Variants in CLASP2 observed in about 807,000 individuals in gnomAD.
The protein encoded by CLASP2 is cytoplasmic linker associated protein 2.
Under a neutral mutation model 194.4 loss-of-function variants are expected in CLASP2, and 47 were observed. That is an observed-to-expected ratio of 0.24 (90% CI 0.19 to 0.31). The LOEUF (loss-of-function observed/expected upper bound fraction) is 0.31, where lower values mean the gene tolerates loss of function less well. Ranked by LOEUF, CLASP2 falls within the 10% of genes least tolerant of loss-of-function variation. CLASP2 has a pLI of 1.00. For missense variants in CLASP2, 1,445 were observed against 1,823.6 expected (o/e 0.79, Z 3.78); for synonymous variants, 619 against 633.5 (o/e 0.98, Z 0.34).
intron 22 of CLASP2, among the ~76,000 whole-genome samples, chr3:33,582,382 C>T (rs1402656089): frequency 1.6e-4 from 25 of 152,106 alleles, no homozygotes; most frequent in Non-Finnish European, 2.9e-5. Flanking sequence ...ATGCCAGGTG[C>T]AGTGGCTCAT....
At chr3:33,713,012 C>CAGAAA (rs1559717375) in intron 1 of CLASP2, among the ~76,000 whole-genome samples, 6 of 46,990 alleles carry the variant, frequency 1.3e-4, no homozygotes, top group Non-Finnish European at 2.5e-4. Context: ...AACTCCACCT[C>CAGAAA]AAAAAAAAAA....
chr3:33,668,558 G>A (rs753142557), intron 6 of CLASP2, among the ~76,000 whole-genome samples: 1 of 152,216 alleles, frequency 6.6e-6, no homozygotes, highest in Non-Finnish European at 1.5e-5. Context: ...GAAGAAAGGT[G>A]TAAACCGAAA....
chr3:33,627,477 T>G (rs961323966), intron 9 of CLASP2, among the ~76,000 whole-genome samples: 2 of 152,184 alleles, frequency 1.3e-5, no homozygotes, highest in African/African-American at 4.8e-5. Context: ...AGTTTTAATT[T>G]TCTCTCCTCA....
At chr3:33,607,346 A>T in intron 15 of CLASP2, 38 bp downstream of exon 15, 1 of 1,409,318 alleles carries the variant, frequency 7.1e-7, no homozygotes, top group Non-Finnish European at 9.6e-7. Context: ...TTTTTAAAAA[A>T]GATTAAACTG....
intron 21 of CLASP2, among the ~76,000 whole-genome samples, chr3:33,585,594 A>C (rs1346530979): frequency 6.6e-6 from 1 of 152,174 alleles, no homozygotes; most frequent in African/African-American, 2.4e-5. Context: ...TTTATTTCCA[A>C]TGGTTTTTGG....
At position 33,708,854 on chromosome 3, in the gene CLASP2, T is replaced by C. The variant is rs151109287; in HGVS notation, c.195+8954A>G. On this transcript the variant is annotated intron_variant, in intron 1 of 38. Coordinates refer to ENST00000682230, the MANE Select transcript of CLASP2 (RefSeq NM_001365631.1). Reference sequence around the variant, plus strand: ...TCTTCTCCACATCCTCTCCAATACTTGTTCTCTTTTGATTTTTTGATAGCA... The same window carrying C: ...TCTTCTCCACATCCTCTCCAATACTCGTTCTCTTTTGATTTTTTGATAGCA... Among the ~76,000 whole-genome samples, 933 of 152,234 alleles carry C rather than the reference T, an allele frequency of 6.1e-3. 4 individuals carry two copies. The highest frequency in any genetic ancestry group is 0.01 in the Non-Finnish European group (709 of 68,006).
intron 25 of CLASP2, among the ~76,000 whole-genome samples, chr3:33,572,553 G>A (rs1416093262): frequency 6.6e-6 from 1 of 151,908 alleles, no homozygotes; most frequent in Admixed American, 6.6e-5. Flanking sequence ...CACAGACAAG[G>A]ACAATAAGGC....
intron 37 of CLASP2, among the ~76,000 whole-genome samples, chr3:33,505,994 A>G (rs1179626605): frequency 6.6e-6 from 1 of 152,250 alleles, no homozygotes. Context: ...GGAAGTATTA[A>G]GCCAGAAAGT....
intron 12 of CLASP2, among the ~76,000 whole-genome samples, chr3:33,616,076 A>G (rs113091218): frequency 1.3e-5 from 2 of 152,064 alleles, no homozygotes; most frequent in African/African-American, 4.8e-5. Flanking sequence ...GAAAAATTAA[A>G]TAATCTCACT....
intron 30 of CLASP2, among the ~76,000 whole-genome samples, chr3:33,547,802 T>C (rs975929582): frequency 6.6e-6 from 1 of 151,586 alleles, no homozygotes; most frequent in Non-Finnish European, 1.5e-5. Context: ...TTTTTTTTTT[T>C]TTTTGAGATG....
intron 5 of CLASP2, among the ~76,000 whole-genome samples, chr3:33,686,627 A>G (rs967102214): frequency 1.3e-5 from 2 of 152,206 alleles, no homozygotes; most frequent in African/African-American, 4.8e-5. Context: ...TTCAGATAAA[A>G]AAGTTTCTAA....
chr3:33,621,269 G>A (rs2077064675), intron 11 of CLASP2, among the ~76,000 whole-genome samples: 2 of 152,064 alleles, frequency 1.3e-5, no homozygotes, highest in Non-Finnish European at 2.9e-5. Context: ...GGAAACAGAT[G>A]TTTTACATAT....
rs534365018 is a variant in CLASP2, at chr3:33,607,468, A to C, written c.1449-7T>G. Reference sequence around the variant, plus strand: ...AACCAAGACGGCTGCATGTCTATAAAATAAAATACATCTTTAGAGTTATGA... The same window carrying C: ...AACCAAGACGGCTGCATGTCTATAACATAAAATACATCTTTAGAGTTATGA... On this transcript the variant is annotated splice_polypyrimidine_tract_variant and splice_region_variant and intron_variant, in intron 14 of 38. Coordinates refer to ENST00000682230, the MANE Select transcript of CLASP2 (RefSeq NM_001365631.1). 3 of 1,588,734 alleles carry C rather than the reference A, an allele frequency of 1.9e-6. No individual in the cohort carries two copies.
intron 23 of CLASP2, chr3:33,577,308 A>T (rs1290913451): frequency 2.7e-6 from 4 of 1,501,380 alleles, no homozygotes; most frequent in Non-Finnish European, 3.7e-6. Context: ...TACCACAGAA[A>T]CAAGGAATAG....
intron 4 of CLASP2, 87 bp downstream of exon 4, chr3:33,688,190 C>T: frequency 1.1e-6 from 1 of 922,028 alleles, no homozygotes; most frequent in East Asian, 2.8e-5. Flanking sequence ...TGTGTTATTA[C>T]CATAGCTTTC....
intron 8 of CLASP2, among the ~76,000 whole-genome samples, chr3:33,635,532 T>C (rs994848191): frequency 2.0e-5 from 3 of 152,138 alleles, no homozygotes; most frequent in African/African-American, 7.2e-5. Context: ...ACTAGGAGAA[T>C]TAGGTTTTAG....
In CLASP2 at chr3:33,608,629, GA is replaced by G; in HGVS notation, c.1389-4del. 1 of 1,596,886 alleles carries G rather than the reference GA, an allele frequency of 6.3e-7. No homozygotes were observed. Among genetic ancestry groups the G allele is most frequent in the African/African-American group, 1.3e-5 (1 of 74,284 alleles). The stretch of plus-strand genomic sequence containing the variant: ...AATCTAAAAATTCAAATGAACGTCT[GA>G]AAAATAAAAGTTGAATGATAACTAA... On this transcript the variant is annotated splice_polypyrimidine_tract_variant and splice_region_variant and intron_variant, in intron 13 of 38. Transcript: ENST00000682230.
At chr3:33,635,115 C>G (rs1353242775) in intron 8 of CLASP2, among the ~76,000 whole-genome samples, 2 of 151,186 alleles carry the variant, frequency 1.3e-5, no homozygotes, top group Non-Finnish European at 2.9e-5. Flanking sequence ...AAAAACCCAG[C>G]CAGGAGTGGT....
intron 11 of CLASP2, among the ~76,000 whole-genome samples, chr3:33,620,902 G>A (rs753553691): frequency 1.3e-5 from 2 of 151,906 alleles, no homozygotes; most frequent in Admixed American, 6.6e-5. Flanking sequence ...CCAGGCATTC[G>A]TTCCCTTCCT....
Sources: allele counts gnomAD v4.1 joint callset (sites outside exome capture counted in the v4.1 genomes callset), GRCh38; gene constraint gnomAD v4.1.1; transcripts MANE v1.5; gene names NCBI Gene and HGNC (gene_info 2026-07-23, HGNC 2026-07-21).